The following DDAH1 variants were observed in gnomAD, a reference collection of about 807,000 sequenced individuals.
The protein encoded by DDAH1 is dimethylarginine dimethylaminohydrolase 1.
DDAH1 carries 19 observed loss-of-function variants against 28.8 expected under a neutral mutation model. The ratio of observed to expected loss-of-function variants is 0.66; its 90% CI spans 0.46 to 0.97. The LOEUF is 0.97. Ranked by LOEUF, DDAH1 falls within the 50% of genes least tolerant of loss-of-function variation. DDAH1 has a pLI of 0.00. For missense variants in DDAH1, 326 were observed against 375.9 expected (o/e 0.87, Z 1.10); for synonymous variants, 153 against 154.4 (o/e 0.99, Z 0.07).
At chr1:85,555,164 G>T (rs559985732) in intron 1 of DDAH1, among the ~76,000 whole-genome samples, 1 of 152,294 alleles carries the variant, frequency 6.6e-6, no homozygotes, top group Non-Finnish European at 1.5e-5. Flanking sequence ...CACTGGAGTG[G>T]CACAGTAAAT....
chr1:85,442,361 TC>T (rs1255124043), intron 1 of DDAH1, among the ~76,000 whole-genome samples: 1 of 152,184 alleles, frequency 6.6e-6, no homozygotes, highest in African/African-American at 2.4e-5. Context: ...CATGAACTCA[TC>T]CTTTTTTATG....
intron 1 of DDAH1, among the ~76,000 whole-genome samples, chr1:85,405,248 T>A (rs994625511): frequency 2.0e-5 from 3 of 152,220 alleles, no homozygotes; most frequent in Admixed American, 2.0e-4. Flanking sequence ...CAACATCTAA[T>A]ATAACAAATA....
At chr1:85,389,783 G>A (rs1310743345) in intron 1 of DDAH1, among the ~76,000 whole-genome samples, 2 of 152,320 alleles carry the variant, frequency 1.3e-5, no homozygotes, top group South Asian at 4.1e-4. Flanking sequence ...TTCTAGTTGG[G>A]AGTTGGAATT....
intron 3 of DDAH1, among the ~76,000 whole-genome samples, chr1:85,350,808 C>T (rs1425927123): frequency 6.6e-6 from 1 of 152,100 alleles, no homozygotes. Flanking sequence ...ATTTGAATAT[C>T]CTGTGTAAAC....
chr1:85,565,211 G>A (rs1030692176), intron 1 of DDAH1, among the ~76,000 whole-genome samples: 4 of 148,990 alleles, frequency 2.7e-5, no homozygotes, highest in African/African-American at 1.0e-4. Context: ...AAAAAAAAAT[G>A]CATAAAGAAG....
intron 1 of DDAH1, among the ~76,000 whole-genome samples, chr1:85,536,799 C>T (rs1372814250): frequency 6.6e-6 from 1 of 151,690 alleles, no homozygotes; most frequent in East Asian, 1.9e-4. Context: ...ATCCAGAAAT[C>T]CCACTACTGG....
At chr1:85,413,629 C>T (rs1396471029) in intron 1 of DDAH1, among the ~76,000 whole-genome samples, 1 of 152,130 alleles carries the variant, frequency 6.6e-6, no homozygotes, top group Admixed American at 6.5e-5. Flanking sequence ...CAGGATACTC[C>T]AGATATTTAT....
chr1:85,514,089 A>G (rs1464941645), intron 1 of DDAH1, among the ~76,000 whole-genome samples: 2 of 152,222 alleles, frequency 1.3e-5, no homozygotes, highest in African/African-American at 4.8e-5. Flanking sequence ...AATAGCAAAG[A>G]CTTGGAACCA....
At chr1:85,503,857 G>C (rs1656914316) in intron 1 of DDAH1, among the ~76,000 whole-genome samples, 1 of 152,140 alleles carries the variant, frequency 6.6e-6, no homozygotes, top group Non-Finnish European at 1.5e-5. Context: ...GTGATGATGG[G>C]GGAAAAGGTC....
At chr1:85,493,787 A>G (rs926307568) in intron 2 of DDAH1, 1 of 152,218 alleles carries the variant, frequency 6.6e-6, no homozygotes, top group Non-Finnish European at 1.5e-5. Context: ...TTGCTTCCAG[A>G]GACAGCTTTT....
intron 1 of DDAH1, among the ~76,000 whole-genome samples, chr1:85,365,740 C>A (rs186100768): frequency 6.6e-6 from 1 of 152,206 alleles, no homozygotes; most frequent in Non-Finnish European, 1.5e-5. Context: ...ATGATTGCTG[C>A]CCCCTTGATG....
chr1:85,408,892 G>A (rs1302481256), intron 1 of DDAH1, among the ~76,000 whole-genome samples: 4 of 152,118 alleles, frequency 2.6e-5, no homozygotes, highest in Non-Finnish European at 1.5e-5. Flanking sequence ...GAGCAGAGGA[G>A]TAGAGAGCTT....
rs150015115 is a variant in DDAH1, at chr1:85,364,081, A to G, written c.304-5234T>C. ...TAACTCCAAAAAGAAGAAAGGGTAGATATTAGTATACCCATTTTATATATG... is the reference window on the plus strand; with the variant it reads ...TAACTCCAAAAAGAAGAAAGGGTAGGTATTAGTATACCCATTTTATATATG... On this transcript the variant is annotated intron_variant, in intron 1 of 5. Coordinates refer to ENST00000284031, the MANE Select transcript of DDAH1 (RefSeq NM_012137.4). Among the ~76,000 whole-genome samples, 19 of 152,294 alleles carry G rather than the reference A, an allele frequency of 1.2e-4. No homozygotes were observed. The East Asian group carries it at 3.5e-3, about 28-fold the overall frequency.
intron 1 of DDAH1, among the ~76,000 whole-genome samples, chr1:85,571,900 T>A (rs1659467267): frequency 6.7e-6 from 1 of 149,176 alleles, no homozygotes; most frequent in South Asian, 2.1e-4. Flanking sequence ...TTTATTGCTA[T>A]AACCTTGGGC....
chr1:85,530,649 T>C (rs1658059714), intron 1 of DDAH1, among the ~76,000 whole-genome samples: 3 of 151,194 alleles, frequency 2.0e-5, no homozygotes, highest in African/African-American at 4.9e-5. Context: ...AAGGACTCAT[T>C]TGGGAAATGC....
intron 5 of DDAH1, among the ~76,000 whole-genome samples, chr1:85,322,580 C>T (rs1045439076): frequency 6.6e-6 from 1 of 152,080 alleles, no homozygotes; most frequent in Admixed American, 6.5e-5. Flanking sequence ...GGGTCCCAAA[C>T]CCAGTTCTGT....
chr1:85,420,502 A>T (rs1011463992), intron 1 of DDAH1, among the ~76,000 whole-genome samples: 2 of 152,214 alleles, frequency 1.3e-5, no homozygotes, highest in African/African-American at 2.4e-5. Flanking sequence ...ACCCTAGGTC[A>T]TCACTCTAAA....
intron 1 of DDAH1, among the ~76,000 whole-genome samples, chr1:85,401,546 C>T (rs1421780267): frequency 1.5e-5 from 2 of 132,956 alleles, no homozygotes; most frequent in Non-Finnish European, 3.1e-5. Context: ...ATTGCCCATG[C>T]TGGAGTACAG....
At chr1:85,516,176 T>C (rs1657465312) in intron 1 of DDAH1, among the ~76,000 whole-genome samples, 1 of 151,954 alleles carries the variant, frequency 6.6e-6, no homozygotes, top group Non-Finnish European at 1.5e-5. Flanking sequence ...GGGTTAGAAT[T>C]TCAACATATG....
Sources: allele counts gnomAD v4.1 joint callset (sites outside exome capture counted in the v4.1 genomes callset), GRCh38; gene constraint gnomAD v4.1.1; transcripts MANE v1.5; gene names NCBI Gene and HGNC (gene_info 2026-07-23, HGNC 2026-07-21).